CARS1: variants seen among roughly 807,000 people sequenced by gnomAD.
The protein encoded by CARS1 is cysteine--tRNA ligase, cytoplasmic.
A neutral mutation model predicts 106.2 loss-of-function variants in CARS1; 48 were observed. The ratio of observed to expected loss-of-function variants is 0.45; its 90% confidence interval spans 0.36 to 0.57. The LOEUF (loss-of-function observed/expected upper bound fraction) is 0.57. Ranked by LOEUF, CARS1 falls within the 20% of genes least tolerant of loss-of-function variation. CARS1 has a pLI of 0.00. For missense variants in CARS1, 968 were observed against 1,057.2 expected, an observed-to-expected ratio of 0.92 and a Z score of 1.17; for synonymous variants, 409 against 403.4, an observed-to-expected ratio of 1.01 and a Z score of -0.17.
At position 3,042,169 on chromosome 11, in the gene CARS1, T is replaced by C. The variant is rs1326729618; in HGVS notation, c.362A>G (p.Asn121Ser). 1.2e-6 allele frequency: 2 copies of C among 1,613,254 alleles called. No homozygotes were observed. The highest frequency in any genetic ancestry group is 1.7e-5 in the Admixed American group (1 of 59,996). The change falls in exon 3 of 23, where the codon AAC becomes AGC. Residue 121 changes from asparagine to serine, a missense_variant. Asn to Ser is a conservative substitution (Grantham distance 46). Coordinates refer to ENST00000380525, the MANE Select transcript of CARS1 (RefSeq NM_001014437.3). ...CGGCATCTGTGTTCTCCTTACCTTGTTCCTGGTGAGGCTGTTGTAAAGGTG... is the reference window on the plus strand; with the variant it reads ...CGGCATCTGTGTTCTCCTTACCTTGCTCCTGGTGAGGCTGTTGTAAAGGTG... ...RLHLYNSLTR[N>S]KEVFIPQDGK...
intron 10 of CARS1, among the ~76,000 whole-genome samples, chr11:3,025,875 A>G (rs1391186705): frequency 1.3e-5 from 2 of 152,240 alleles, no homozygotes; most frequent in African/African-American, 2.4e-5. Context: ...CACACATCCC[A>G]GCACCCCACA....
In CARS1 at chr11:3,050,234, G is replaced by A; in HGVS notation, c.26-2233C>T. ...GCTTCCTGGGATGACTCTCGCTGGTGGGATGACGAGTGCAGCGTCCCTCTA... is the reference window on the plus strand; with the variant it reads ...GCTTCCTGGGATGACTCTCGCTGGTAGGATGACGAGTGCAGCGTCCCTCTA... On this transcript the variant is annotated intron_variant, in intron 1 of 22. Coordinates refer to ENST00000380525, the MANE Select transcript of CARS1 (RefSeq NM_001014437.3). The surrounding 1 kb of genome is among the most constrained non-coding windows in gnomAD (Gnocchi z 6.3). 6.6e-6 allele frequency among the ~76,000 whole-genome samples: 1 copy of A among 152,114 alleles called. No homozygotes were observed. Among genetic ancestry groups the A allele is most frequent in the East Asian group, 1.9e-4 (1 of 5,184 alleles).
intron 17 of CARS1, among the ~76,000 whole-genome samples, chr11:3,014,707 C>A (rs1467422157): frequency 6.6e-6 from 1 of 152,204 alleles, no homozygotes; most frequent in East Asian, 1.9e-4. Context: ...AAATACCACA[C>A]CAACTACCAC....
Position 3,045,091 on chromosome 11 carries a change from C to A in CARS1, c.274+2662G>T, listed in dbSNP as rs1004362167. Among the ~76,000 whole-genome samples, 2 of 151,948 alleles carry A rather than the reference C, an allele frequency of 1.3e-5. No homozygotes were observed. The highest frequency in any genetic ancestry group is 4.8e-5 in the African/African-American group (2 of 41,406). ...TTCCCGGGGGGTAGGGAGAGGCCGG[C>A]GGGCTGGAAGGGCTGAGCCTCCACT... On this transcript the variant is annotated intron_variant, in intron 2 of 22. Coordinates refer to ENST00000380525, the MANE Select transcript of CARS1 (RefSeq NM_001014437.3). This position sits in a 1 kb window ranked among gnomAD's most constrained non-coding sequence, Gnocchi z 5.6.
At position 3,002,568 on chromosome 11, in the gene CARS1, C is replaced by G. The variant is rs776944760; in HGVS notation, c.2250G>C (p.Glu750Asp). 24 of 1,614,080 alleles carry G rather than the reference C, an allele frequency of 1.5e-5. No individual in the cohort carries two copies. The highest frequency in any genetic ancestry group is 6.7e-5 in the Admixed American group (4 of 60,010). The stretch of plus-strand genomic sequence containing the variant: ...CTTGTTCCTGTTTCCTCCGGGCCGC[C>G]TCCTCTTTCTTCTTCCTCTTCTCCT... Reference protein sequence around the residue: ...VEEEKRKKKEEAARRKQEQEA... With the variant: ...VEEEKRKKKEDAARRKQEQEA... Residue 750 changes from glutamate to aspartate, a missense_variant, in exon 21 of 23, where the codon GAG becomes GAC. Coordinates refer to ENST00000380525, the MANE Select transcript of CARS1 (RefSeq NM_001014437.3).
Position 3,029,003 on chromosome 11 carries a change from C to T in CARS1, c.1024G>A (p.Gly342Ser), listed in dbSNP as rs117234242. 11,098 of 1,612,928 alleles carry T rather than the reference C, an allele frequency of 6.9e-3. 50 individuals are homozygous for T. The highest frequency in any genetic ancestry group is 8.4e-3 in the Non-Finnish European group (9,848 of 1,178,938). The change falls in exon 9 of 23, where the codon GGT (glycine) becomes AGT (serine). Residue 342 changes from glycine to serine, a missense_variant. Transcript: ENST00000380525. This position sits in a 1 kb window ranked among gnomAD's most constrained non-coding sequence, Gnocchi z 5.9. Reference protein sequence around the residue: ...VNFVQKIVDNGYGYVSNGSVY... With the variant: ...VNFVQKIVDNSYGYVSNGSVY... Reference sequence around the variant, plus strand: ...GAAGGCCCTTGTGCTTACCCGTAACCGTTGTCCACAATCTTCTGGACAAAG... The same window carrying T: ...GAAGGCCCTTGTGCTTACCCGTAACTGTTGTCCACAATCTTCTGGACAAAG...
At chr11:3,002,485 G>A (rs1008756724) in intron 21 of CARS1, 56 bp downstream of exon 21, 20 of 1,607,012 alleles carry the variant, frequency 1.2e-5, no homozygotes, top group African/African-American at 2.7e-5. Flanking sequence ...ACAGGGCATG[G>A]GGTCAGGGTG....
chr11:3,043,145 G>A lies in CARS1; in HGVS notation c.275-889C>T, dbSNP rs1416406914. Reference sequence around the variant, plus strand: ...CTTCCCTAGTTGTTCCCCTCCACTCGCCTGTGGGCCGCCTGGGCTGCTCTG... The same window carrying A: ...CTTCCCTAGTTGTTCCCCTCCACTCACCTGTGGGCCGCCTGGGCTGCTCTG... On this transcript the variant is annotated intron_variant, in intron 2 of 22. Coordinates refer to ENST00000380525, the MANE Select transcript of CARS1 (RefSeq NM_001014437.3). This position sits in a 1 kb window ranked among gnomAD's most constrained non-coding sequence, Gnocchi z 4.0. 2.0e-5 allele frequency among the ~76,000 whole-genome samples: 3 copies of A among 152,032 alleles called. No homozygotes were observed. Among genetic ancestry groups the A allele is most frequent in the Admixed American group, 1.3e-4 (2 of 15,268 alleles).
intron 9 of CARS1, chr11:3,027,300 T>C (rs1409444671): frequency 6.4e-6 from 1 of 155,660 alleles, no homozygotes; most frequent in East Asian, 1.9e-4. Flanking sequence ...GCGCTACTGC[T>C]TAAGAGTCTG....
intron 1 of CARS1, chr11:3,054,904 C>T (rs1400618085): frequency 1.4e-6 from 1 of 702,408 alleles, no homozygotes; most frequent in Non-Finnish European, 2.6e-6. Flanking sequence ...AAGTGGTATC[C>T]CAAGTCTGTG....
intron 20 of CARS1, 71 bp downstream of exon 20, chr11:3,005,295 C>A (rs1458024678): frequency 7.8e-6 from 9 of 1,150,228 alleles, no homozygotes; most frequent in Non-Finnish European, 1.2e-5. Flanking sequence ...AAAAAGTAAA[C>A]TATGTAATAA....
At position 3,048,047 on chromosome 11, in the gene CARS1, C is replaced by A; in HGVS notation, c.26-46G>T. On this transcript the variant is annotated intron_variant, in intron 1 of 22. Transcript: ENST00000380525. The surrounding 1 kb of genome is among the most constrained non-coding windows in gnomAD (Gnocchi z 5.1). ...TGGTGTCAGGCAGGCAGGCGGGCAG[C>A]CCAGAGGCCGCCAGAAAGACAGGGA... The A allele has an allele frequency of 6.3e-7, 1 of 1,593,548 alleles. No homozygotes were observed. The highest frequency in any genetic ancestry group is 8.6e-7 in the Non-Finnish European group (1 of 1,167,192).
rs957140249 is a variant in CARS1 at position 3,052,942 on chromosome 11, A to T, written c.25+4401T>A. 1.3e-5 allele frequency among the ~76,000 whole-genome samples: 2 copies of T among 152,204 alleles called. No individual in the cohort carries two copies. Among genetic ancestry groups the T allele is most frequent in the African/African-American group, 4.8e-5 (2 of 41,446 alleles). The stretch of plus-strand genomic sequence containing the variant: ...CTCCTGCTCTGCCCCCATGAGAAGG[A>T]ATGTCCACCACCGGATGACCTTGCA... On this transcript the variant is annotated intron_variant, in intron 1 of 22. Transcript: ENST00000380525. The surrounding 1 kb of genome is among the most constrained non-coding windows in gnomAD (Gnocchi z 4.6).
intron 1 of CARS1, 48 bp downstream of exon 1, chr11:3,057,295 C>A (rs767092047): frequency 1.3e-6 from 2 of 1,561,114 alleles, no homozygotes; most frequent in Non-Finnish European, 1.8e-6. Flanking sequence ...ACCCAGCGCC[C>A]AGTCAGGCCC....
chr11:3,054,008 C>G (rs577071983), intron 1 of CARS1, among the ~76,000 whole-genome samples: 1 of 152,316 alleles, frequency 6.6e-6, no homozygotes, highest in South Asian at 2.1e-4. Flanking sequence ...GTGATCCACT[C>G]CCTGCCCAAG....
intron 18 of CARS1, chr11:3,009,061 G>A (rs1363374254): frequency 2.0e-5 from 3 of 152,284 alleles, no homozygotes; most frequent in Non-Finnish European, 4.4e-5. Context: ...CTCTGGGTCT[G>A]GATTCTGAGG....
intron 18 of CARS1, chr11:3,007,269 C>G (rs1236113795): frequency 2.4e-6 from 1 of 424,552 alleles, no homozygotes; most frequent in Non-Finnish European, 4.2e-6. Context: ...GCAGTTCTTC[C>G]AGGAAAGGGA....
Position 3,005,361 on chromosome 11 carries a change from C to T in CARS1, c.2217+5G>A. The T allele has an allele frequency of 6.2e-7, 1 of 1,605,030 alleles. No individual in the cohort carries two copies. The highest frequency in any genetic ancestry group is 1.1e-5 in the South Asian group (1 of 90,674). ...TCACGCTTAAGTCATTTTCACTTTACTCACCCGTCTCTTTTCTTCTCTCTC... is the reference window on the plus strand; with the variant it reads ...TCACGCTTAAGTCATTTTCACTTTATTCACCCGTCTCTTTTCTTCTCTCTC... On this transcript the variant is annotated splice_donor_5th_base_variant and intron_variant, in intron 20 of 22. Coordinates refer to ENST00000380525, the MANE Select transcript of CARS1 (RefSeq NM_001014437.3).
chr11:3,055,616 T>C (rs1342090573), intron 1 of CARS1, among the ~76,000 whole-genome samples: 2 of 152,194 alleles, frequency 1.3e-5, no homozygotes, highest in African/African-American at 4.8e-5. Context: ...GAGAGGGCAA[T>C]CCCAACCTAT....
Sources: allele counts gnomAD v4.1 joint callset (sites outside exome capture counted in the v4.1 genomes callset), GRCh38; gene constraint gnomAD v4.1.1; non-coding constraint Gnocchi (gnomAD v3.1); transcripts MANE v1.5; gene names NCBI Gene and HGNC (gene_info 2026-07-23, HGNC 2026-07-21).